ADGRL4: variants seen among roughly 807,000 people sequenced by gnomAD.
The protein encoded by ADGRL4 is adhesion G protein-coupled receptor L4.
Under a neutral mutation model 74.8 loss-of-function variants are expected in ADGRL4, and 90 were observed. The ratio of observed to expected loss-of-function variants is 1.20; its 90% CI spans 1.02 to 1.43. The LOEUF is 1.43. Among genes scored for constraint, ADGRL4 ranks in the 40% most tolerant of loss-of-function variants. The pLI is 0.00. For synonymous variants in ADGRL4, 311 were observed against 279.2 expected (o/e 1.11, Z -1.14); for missense variants, 881 against 814.3 (o/e 1.08, Z -1.00).
intron 13 of ADGRL4, among the ~76,000 whole-genome samples, chr1:78,891,905 T>C (rs954278033): frequency 1.2e-4 from 18 of 152,132 alleles, no homozygotes; most frequent in African/African-American, 4.3e-4. Context: ...GGCAGGGGTG[T>C]GCTTCCAAAG....
chr1:78,916,080 C>G (rs1296335981), intron 12 of ADGRL4, among the ~76,000 whole-genome samples: 1 of 151,780 alleles, frequency 6.6e-6, no homozygotes. Flanking sequence ...TTCATTTAGA[C>G]TTCTAGAAAA....
At chr1:78,974,528 A>G (rs756987540) in intron 2 of ADGRL4, among the ~76,000 whole-genome samples, 2 of 152,198 alleles carry the variant, frequency 1.3e-5, no homozygotes, top group Non-Finnish European at 2.9e-5. Context: ...TATTGCTGCT[A>G]TAATGAAATA....
At position 78,950,973 on chromosome 1, in the gene ADGRL4, CTA is replaced by C. The variant is rs1438662851; in HGVS notation, c.173-4549_173-4548del. Among the ~76,000 whole-genome samples, 4 of 152,208 alleles carry C rather than the reference CTA, an allele frequency of 2.6e-5. No individual in the cohort carries two copies. In the East Asian group the frequency reaches 7.7e-4, roughly 29 times the overall value. On this transcript the variant is annotated intron_variant, in intron 2 of 14. Coordinates refer to ENST00000370742, the MANE Select transcript of ADGRL4 (RefSeq NM_022159.4). ...CATTTCAGAAGACGTATCAATAGTT[CTA>C]TAGTCAACCATACAGTCATGAATTG...
intron 2 of ADGRL4, among the ~76,000 whole-genome samples, chr1:78,983,000 G>T (rs1481144645): frequency 6.6e-6 from 1 of 151,804 alleles, no homozygotes; most frequent in Admixed American, 6.6e-5. Flanking sequence ...TAGGCTACGG[G>T]GGCAGAGGGA....
chr1:78,981,654 A>T (rs1365436028), intron 2 of ADGRL4, among the ~76,000 whole-genome samples: 1 of 151,908 alleles, frequency 6.6e-6, no homozygotes, highest in African/African-American at 2.4e-5. Context: ...ATTTCAAAAA[A>T]GTCCTGAAAT....
In ADGRL4 at chr1:78,964,168, G is replaced by T. The variant is rs367947955; in HGVS notation, c.173-17742C>A. 1.6e-4 allele frequency among the ~76,000 whole-genome samples: 25 copies of T among 152,272 alleles called. No homozygotes were observed. In the East Asian group the frequency reaches 4.1e-3, roughly 25 times the overall value. ...AAGATATGAATACTTAAGAGCAAAGGAGACTGATTCAAAAACTTTTGTCCA... is the reference window on the plus strand; with the variant it reads ...AAGATATGAATACTTAAGAGCAAAGTAGACTGATTCAAAAACTTTTGTCCA... On this transcript the variant is annotated intron_variant, in intron 2 of 14. Coordinates refer to ENST00000370742, the MANE Select transcript of ADGRL4 (RefSeq NM_022159.4).
Position 78,916,453 on chromosome 1 carries a change from G to A in ADGRL4, c.1749+1181C>T, listed in dbSNP as rs77218378. Among the ~76,000 whole-genome samples, 1,453 of 151,906 alleles carry A rather than the reference G, an allele frequency of 9.6e-3. 28 individuals carry two copies. Among genetic ancestry groups the A allele is most frequent in the African/African-American group, 0.029 (1,216 of 41,472 alleles). Reference sequence around the variant, plus strand: ...GGGACACCATTTTATATTCTTATGTGGGTTGGAAATTTTGGAGTCATAATA... The same window carrying A: ...GGGACACCATTTTATATTCTTATGTAGGTTGGAAATTTTGGAGTCATAATA... On this transcript the variant is annotated intron_variant, in intron 12 of 14. Transcript: ENST00000370742.
intron 12 of ADGRL4, among the ~76,000 whole-genome samples, chr1:78,901,216 T>C (rs1279077955): frequency 1.3e-5 from 2 of 152,184 alleles, no homozygotes; most frequent in East Asian, 3.9e-4. Context: ...GCATCCTTCA[T>C]GTCAACCCTA....
Position 78,918,102 on chromosome 1 carries a change from A to T in ADGRL4, c.1462-52T>A, listed in dbSNP as rs757851460. 7 of 1,424,490 alleles carry T rather than the reference A, an allele frequency of 4.9e-6. 1 individual carries two copies. Among genetic ancestry groups the T allele is most frequent in the African/African-American group, 1.4e-5 (1 of 69,470 alleles). The allele number at this position is 1,424,490 out of a possible 1,614,324, so 88.2% of individuals were successfully genotyped here. ...CATTGTCAGTGTTTGTTTTAAAATT[A>T]TCATAACATACAATCTCTACTTTCG... is the stretch of plus-strand genomic sequence containing the variant. On this transcript the variant is annotated intron_variant, in intron 10 of 14. Coordinates refer to ENST00000370742, the MANE Select transcript of ADGRL4 (RefSeq NM_022159.4).
intron 12 of ADGRL4, among the ~76,000 whole-genome samples, chr1:78,910,332 A>G (rs935260055): frequency 2.0e-5 from 3 of 151,858 alleles, no homozygotes; most frequent in Admixed American, 1.3e-4. Context: ...GATTGTAGAC[A>G]TATAAAGGAC....
rs1282535498 is a variant in ADGRL4, at chr1:78,960,997, CATAA to C, written c.173-14575_173-14572del. Among the ~76,000 whole-genome samples the C allele has an allele frequency of 2.0e-5, 3 of 152,106 alleles. No individual in the cohort carries two copies. The East Asian group carries it at 5.8e-4, about 29-fold the overall frequency. Reference sequence around the variant, plus strand: ...TGCATTTTATGCACCCATATTTATTCATAAATAAATTGAGTAAGTTTTTTTCATC... The same window carrying C: ...TGCATTTTATGCACCCATATTTATTCATAAATTGAGTAAGTTTTTTTCATC... On this transcript the variant is annotated intron_variant, in intron 2 of 14. Transcript: ENST00000370742.
intron 2 of ADGRL4, among the ~76,000 whole-genome samples, chr1:78,949,926 C>G (rs1570249051): frequency 6.6e-6 from 1 of 152,204 alleles, no homozygotes; most frequent in East Asian, 1.9e-4. Flanking sequence ...AATTCTTCCT[C>G]GTTCACCTCT....
chr1:78,960,485 T>C (rs1386375977), intron 2 of ADGRL4, among the ~76,000 whole-genome samples: 1 of 152,198 alleles, frequency 6.6e-6, no homozygotes, highest in Non-Finnish European at 1.5e-5. Flanking sequence ...CTTAACATAA[T>C]TATCCTGTGT....
intron 2 of ADGRL4, among the ~76,000 whole-genome samples, chr1:78,969,637 A>T: frequency 6.6e-6 from 1 of 152,116 alleles, no homozygotes; most frequent in East Asian, 1.9e-4. Context: ...ACTTCATTCA[A>T]ATAATCAGGA....
At chr1:78,911,894 G>T (rs1276082569) in intron 12 of ADGRL4, among the ~76,000 whole-genome samples, 1 of 151,800 alleles carries the variant, frequency 6.6e-6, no homozygotes, top group East Asian at 1.9e-4. Flanking sequence ...GGAACCCAAG[G>T]CTAGGCGTAG....
chr1:78,963,703 T>C (rs1038585701), intron 2 of ADGRL4, among the ~76,000 whole-genome samples: 6 of 152,292 alleles, frequency 3.9e-5, no homozygotes, highest in Admixed American at 3.9e-4. Flanking sequence ...CAATTTTACA[T>C]GATTTCTTCA....
intron 4 of ADGRL4, 125 bp from the exon 5 acceptor site, chr1:78,938,404 A>C: frequency 1.6e-6 from 1 of 617,096 alleles, no homozygotes; most frequent in Admixed American, 3.8e-5. Flanking sequence ...AATAATATCA[A>C]ACTAATAAAC....
At chr1:78,912,397 C>T (rs1346134460) in intron 12 of ADGRL4, among the ~76,000 whole-genome samples, 5 of 151,748 alleles carry the variant, frequency 3.3e-5, no homozygotes, top group Non-Finnish European at 1.5e-5. Flanking sequence ...ACAAGGGATT[C>T]CCAAACCCCA....
rs1032015144 is a variant in ADGRL4 at position 78,890,809 on chromosome 1, A to G, written c.*345T>C. On this transcript the variant is annotated 3_prime_UTR_variant, in exon 15 of 15. Coordinates refer to ENST00000370742, the MANE Select transcript of ADGRL4 (RefSeq NM_022159.4). ...GGCAACACGAGTCACAGAAATATCA[A>G]GCCAGTGGTTTCCTTCAGGACATTC... The G allele has an allele frequency of 9.1e-6, 2 of 219,544 alleles. No individual in the cohort carries two copies. The highest frequency in any genetic ancestry group is 1.8e-5 in the Non-Finnish European group (2 of 110,358). The allele number at this position is 219,544 out of a possible 1,614,324, so 13.6% of individuals were successfully genotyped here.
Sources: allele counts gnomAD v4.1 joint callset (sites outside exome capture counted in the v4.1 genomes callset), GRCh38; gene constraint gnomAD v4.1.1; transcripts MANE v1.5; gene names NCBI Gene and HGNC (gene_info 2026-07-23, HGNC 2026-07-21).